Variants in PITRM1 observed in about 807,000 individuals in gnomAD.
The protein encoded by PITRM1 is pitrilysin metallopeptidase 1.
Under a neutral mutation model 129.9 loss-of-function variants are expected in PITRM1, and 100 were observed. The ratio of observed to expected loss-of-function variants is 0.77; its 90% CI spans 0.65 to 0.91. The LOEUF is 0.91. Ranked by LOEUF, PITRM1 falls within the 40% of genes least tolerant of loss-of-function variation. The pLI is 0.00. For missense variants in PITRM1, 1,471 were observed against 1,318.3 expected (o/e 1.12, Z -1.79); for synonymous variants, 591 against 508.8 (o/e 1.16, Z -2.17).
At chr10:3,172,655 T>G in intron 1 of PITRM1, 62 bp downstream of exon 1, 1 of 1,442,874 alleles carries the variant, frequency 6.9e-7, no homozygotes, top group Non-Finnish European at 9.2e-7. Flanking sequence ...GCCTCCGGCC[T>G]GCCCTGGACC....
Position 3,159,858 on chromosome 10 carries a change from G to C in PITRM1, c.997C>G (p.Leu333Val). ...ACAGCATATACTTACTCCGGTAAGA[G>C]GAAGCTAACGCTGATGGTTGTTTGT... ...SKQTTISVSF[L>V]LPDITDTFEA... is the part of the protein sequence containing the mutation. Residue 333 changes from leucine to valine, a missense_variant, in exon 9 of 27, where the codon CTC (leucine) becomes GTC (valine). Leu to Val is a conservative substitution (Grantham distance 32). Transcript: ENST00000224949. The C allele has an allele frequency of 6.3e-7, 1 of 1,593,148 alleles. No homozygotes were observed. Among genetic ancestry groups the C allele is most frequent in the Admixed American group, 1.7e-5 (1 of 58,810 alleles).
At position 3,138,890 on chromosome 10, in the gene PITRM1, T is replaced by TA. The variant is rs1839894484; in HGVS notation, c.2917+13dup. 6.2e-7 allele frequency: 1 copy of TA among 1,613,396 alleles called. No individual in the cohort carries two copies. Among genetic ancestry groups the TA allele is most frequent in the Non-Finnish European group, 8.5e-7 (1 of 1,179,426 alleles). On this transcript the variant is annotated intron_variant, in intron 25 of 26. Coordinates refer to ENST00000224949, the MANE Select transcript of PITRM1 (RefSeq NM_014889.4). Reference sequence around the variant, plus strand: ...GGCTGTGGGTTGAGATTCTCACTGTTATACTCAAAATACCTTTGTCTGAAG... The same window carrying TA: ...GGCTGTGGGTTGAGATTCTCACTGTTAATACTCAAAATACCTTTGTCTGAAG...
chr10:3,152,783 G>T (rs568066604), intron 14 of PITRM1, among the ~76,000 whole-genome samples: 5 of 152,200 alleles, frequency 3.3e-5, no homozygotes, highest in Non-Finnish European at 7.3e-5. Flanking sequence ...GGTTTCCCCC[G>T]TGGTCCCTGG....
intron 4 of PITRM1, 151 bp downstream of exon 4, chr10:3,166,078 A>T (rs1260349565): frequency 1.7e-6 from 1 of 601,594 alleles, no homozygotes; most frequent in Non-Finnish European, 2.8e-6. Context: ...TGAAGGATTA[A>T]ATTTCTAATG....
rs979739995 is a variant in PITRM1, at chr10:3,172,690, C to T, written c.56+27G>A. The T allele has an allele frequency of 3.7e-5, 56 of 1,530,076 alleles. No individual in the cohort carries two copies. In the African/African-American group the frequency reaches 6.8e-4, roughly 19 times the overall value. 94.8% of individuals were successfully genotyped at this position (1,530,076 alleles called of 1,614,324 possible). On this transcript the variant is annotated intron_variant, in intron 1 of 26. Transcript: ENST00000224949. ...CCTCCCCTCCCGGGTACCAGCGCGCCGAGCGCCTCCCGTCGCAGCGTCTCA... is the reference window on the plus strand; with the variant it reads ...CCTCCCCTCCCGGGTACCAGCGCGCTGAGCGCCTCCCGTCGCAGCGTCTCA...
chr10:3,170,059 G>A (rs1235965130), intron 2 of PITRM1, 45 bp downstream of exon 2: 4 of 1,408,506 alleles, frequency 2.8e-6, no homozygotes, highest in Admixed American at 1.7e-5. Flanking sequence ...AGCCGCACCT[G>A]CAATGTATGT....
At chr10:3,163,697 C>G (rs1266584472) in intron 7 of PITRM1, 28 bp downstream of exon 7, 1 of 1,570,904 alleles carries the variant, frequency 6.4e-7, no homozygotes, top group East Asian at 2.3e-5. Context: ...TCACAATCCA[C>G]CATCAAACTT....
chr10:3,168,312 G>C (rs1843041980), intron 2 of PITRM1, among the ~76,000 whole-genome samples: 1 of 152,196 alleles, frequency 6.6e-6, no homozygotes, highest in Admixed American at 6.5e-5. Flanking sequence ...CAATGCTTTT[G>C]AAGTCAGCAG....
chr10:3,143,024 G>C (rs921632128), intron 23 of PITRM1: 2 of 222,324 alleles, frequency 9.0e-6, no homozygotes, highest in African/African-American at 2.3e-5. Flanking sequence ...CCTCATGAAG[G>C]CTTAACCTAC....
At chr10:3,141,386 C>T (rs532952001) in intron 23 of PITRM1, 1 of 204,672 alleles carries the variant, frequency 4.9e-6, no homozygotes, top group Non-Finnish European at 1.0e-5. Context: ...TTTAAAATCT[C>T]GTGAAGTAGA....
At chr10:3,145,393 C>T (rs566271148) in intron 21 of PITRM1, 14 of 574,570 alleles carry the variant, frequency 2.4e-5, no homozygotes, top group Admixed American at 3.2e-5. Context: ...AAGGCCACAC[C>T]GCAGGGTCTG....
intron 13 of PITRM1, among the ~76,000 whole-genome samples, chr10:3,155,999 T>A (rs1841950707): frequency 6.6e-6 from 1 of 152,218 alleles, no homozygotes; most frequent in Non-Finnish European, 1.5e-5. Flanking sequence ...GGTCATTAAG[T>A]CTTAAACATA....
In PITRM1 at chr10:3,172,764, G is replaced by A. The variant is rs1416380873; in HGVS notation, c.9C>T (p.Arg3=). MW[R]CGGRQGLCVL... ...CACACAGGCCCTGCCGCCCGCCGCA[G>A]CGCCACATTGCGCATGACGAGCACC... The change falls in exon 1 of 27, where the codon CGC becomes CGT. Residue 3 remains arginine, a synonymous_variant. Transcript: ENST00000224949. 1.4e-5 allele frequency: 21 copies of A among 1,546,464 alleles called. No homozygotes were observed. The highest frequency in any genetic ancestry group is 1.5e-5 in the Non-Finnish European group (17 of 1,145,510).
At chr10:3,155,367 C>T (rs1841887527) in intron 14 of PITRM1, among the ~76,000 whole-genome samples, 1 of 152,216 alleles carries the variant, frequency 6.6e-6, no homozygotes, top group South Asian at 2.1e-4. Context: ...ATAAATACAT[C>T]TTTTCAAGCT....
At chr10:3,164,087 A>AC (rs1368472961) in intron 6 of PITRM1, 4 of 333,392 alleles carry the variant, frequency 1.2e-5, no homozygotes, top group South Asian at 5.0e-5. Flanking sequence ...TTCATCACCC[A>AC]CGCACAGGAC....
In PITRM1 at chr10:3,163,716, A is replaced by C. The variant is rs145778387; in HGVS notation, c.791+9T>G. On this transcript the variant is annotated intron_variant, in intron 7 of 26. Transcript: ENST00000224949. ...AATCCACCATCAAACTTTTCCAACA[A>C]AATATTACCTAGCATTGCTTGGGTG... The C allele has an allele frequency of 6.9e-3, 11,014 of 1,587,106 alleles. 65 individuals are homozygous for C. The highest frequency in any genetic ancestry group is 8.3e-3 in the Non-Finnish European group (9,704 of 1,166,226).
chr10:3,138,471 C>A, intron 25 of PITRM1, 134 bp from the exon 26 acceptor site: 1 of 687,758 alleles, frequency 1.5e-6, no homozygotes, highest in East Asian at 2.7e-5. Context: ...AGGGATGTGT[C>A]TAACAACCCA....
chr10:3,168,965 C>A (rs1009619464), intron 2 of PITRM1, among the ~76,000 whole-genome samples: 1 of 111,718 alleles, frequency 9.0e-6, no homozygotes, highest in African/African-American at 3.3e-5. Context: ...CACACACACA[C>A]AATTAGCCAG....
intron 23 of PITRM1, chr10:3,141,622 C>G: frequency 2.1e-6 from 1 of 468,562 alleles, no homozygotes; most frequent in Non-Finnish European, 4.4e-6. Context: ...ACATCCACCT[C>G]CGACAGAAGG....
Sources: allele counts gnomAD v4.1 joint callset (sites outside exome capture counted in the v4.1 genomes callset), GRCh38; gene constraint gnomAD v4.1.1; transcripts MANE v1.5; gene names NCBI Gene and HGNC (gene_info 2026-07-23, HGNC 2026-07-21).